Variants in EML5 observed in about 807,000 individuals in gnomAD.
EML5 encodes EMAP like 5, also known as echinoderm microtubule-associated protein-like 5.
EML5 carries 120 observed loss-of-function variants against 250.0 expected under a neutral mutation model. The ratio of observed to expected loss-of-function variants is 0.48; its 90% CI spans 0.41 to 0.56. EML5 has a LOEUF of 0.56. Among genes scored for constraint, EML5 ranks in the 20% least tolerant of loss-of-function variants. EML5 has a pLI of 0.00. For missense variants in EML5, 2,006 were observed against 2,437.6 expected, an observed-to-expected ratio of 0.82 and a Z score of 3.73; for synonymous variants, 771 against 806.5, an observed-to-expected ratio of 0.96 and a Z score of 0.75.
At chr14:88,631,265 G>A (rs982829595) in intron 33 of EML5, among the ~76,000 whole-genome samples, 1 of 152,190 alleles carries the variant, frequency 6.6e-6, no homozygotes, top group Non-Finnish European at 1.5e-5. Context: ...CCAGGCTGGA[G>A]TGCCATGATG....
chr14:88,648,142 A>G (rs1192277773), intron 28 of EML5, among the ~76,000 whole-genome samples: 2 of 152,206 alleles, frequency 1.3e-5, no homozygotes, highest in Non-Finnish European at 2.9e-5. Flanking sequence ...AGGAATCATG[A>G]AAGTCATTTC....
intron 1 of EML5, among the ~76,000 whole-genome samples, chr14:88,776,687 C>T (rs574860230): frequency 1.3e-4 from 20 of 150,578 alleles, no homozygotes; most frequent in Non-Finnish European, 1.6e-4. Context: ...TCAAGACCAA[C>T]GTGCGTAACA....
intron 4 of EML5, among the ~76,000 whole-genome samples, chr14:88,743,511 T>C (rs2093956925): frequency 6.6e-6 from 1 of 152,108 alleles, no homozygotes; most frequent in Non-Finnish European, 1.5e-5. Flanking sequence ...CACTTGAATA[T>C]ACACTGCCGC....
At chr14:88,670,966 C>G (rs908834530) in intron 21 of EML5, among the ~76,000 whole-genome samples, 1 of 151,948 alleles carries the variant, frequency 6.6e-6, no homozygotes, top group African/African-American at 2.4e-5. Flanking sequence ...CTGAACAGAA[C>G]AAAGTTGTAA....
chr14:88,685,159 A>G lies in EML5; in HGVS notation c.2855-17T>C, dbSNP rs1344513498. 2 of 1,590,104 alleles carry G rather than the reference A, an allele frequency of 1.3e-6. No homozygotes were observed. Among genetic ancestry groups the G allele is most frequent in the Non-Finnish European group, 1.7e-6 (2 of 1,168,886 alleles). ...AGAGAAGACCTGAAATGTTAAATGAAGATGTTCTTTTAGACATACAGTTAC... is the reference window on the plus strand; with the variant it reads ...AGAGAAGACCTGAAATGTTAAATGAGGATGTTCTTTTAGACATACAGTTAC... On this transcript the variant is annotated splice_polypyrimidine_tract_variant and intron_variant, in intron 19 of 43. Transcript: ENST00000554922.
intron 9 of EML5, among the ~76,000 whole-genome samples, chr14:88,713,624 T>C (rs993083065): frequency 1.9e-4 from 29 of 151,124 alleles, no homozygotes; most frequent in Non-Finnish European, 3.7e-4. Flanking sequence ...TGCTCATTTT[T>C]TTTTTTTTTT....
intron 7 of EML5, among the ~76,000 whole-genome samples, chr14:88,727,072 C>G (rs929480329): frequency 9.2e-5 from 14 of 151,598 alleles, no homozygotes; most frequent in Non-Finnish European, 2.1e-4. Flanking sequence ...GTTTTGGTAT[C>G]CTTTTAGCAC....
chr14:88,676,188 C>T (rs1047838923), intron 21 of EML5, among the ~76,000 whole-genome samples: 2 of 152,190 alleles, frequency 1.3e-5, no homozygotes, highest in African/African-American at 4.8e-5. Context: ...ACTGGTACCA[C>T]TTTACTGTAT....
chr14:88,685,572 T>C (rs1172806222), intron 19 of EML5, among the ~76,000 whole-genome samples: 3 of 152,188 alleles, frequency 2.0e-5, no homozygotes, highest in Non-Finnish European at 4.4e-5. Flanking sequence ...GTCCCTCATA[T>C]AAAATGGTGT....
At chr14:88,712,045 G>T (rs1210224567) in intron 10 of EML5, among the ~76,000 whole-genome samples, 1 of 151,904 alleles carries the variant, frequency 6.6e-6, no homozygotes, top group Non-Finnish European at 1.5e-5. Flanking sequence ...GAGATATAGT[G>T]CATTCATAAC....
intron 39 of EML5, chr14:88,619,296 CACA>C (rs2088392484): frequency 6.6e-6 from 1 of 152,626 alleles, no homozygotes. Flanking sequence ...ACCCAGGAGG[CACA>C]GGTTGTGGTG....
intron 10 of EML5, among the ~76,000 whole-genome samples, chr14:88,710,367 A>G (rs1016310535): frequency 6.6e-6 from 1 of 152,196 alleles, no homozygotes; most frequent in African/African-American, 2.4e-5. Flanking sequence ...TAAAGTCCAC[A>G]TTTTGTAAAT....
chr14:88,631,320 C>A (rs542023258), intron 33 of EML5, among the ~76,000 whole-genome samples: 1 of 152,324 alleles, frequency 6.6e-6, no homozygotes, highest in East Asian at 1.9e-4. Context: ...CTCAATTAAT[C>A]TACCTACCTC....
At chr14:88,745,419 T>A (rs1335859808) in intron 3 of EML5, among the ~76,000 whole-genome samples, 4 of 152,114 alleles carry the variant, frequency 2.6e-5, no homozygotes, top group Non-Finnish European at 2.9e-5. Context: ...TCCATAAAAA[T>A]AGTATAATAT....
chr14:88,620,640 G>T lies in EML5; in HGVS notation c.5375+114C>A. 1.3e-6 allele frequency: 1 copy of T among 789,928 alleles called. No homozygotes were observed. Among genetic ancestry groups the T allele is most frequent in the Non-Finnish European group, 1.8e-6 (1 of 546,166 alleles). The allele number at this position is 789,928 out of a possible 1,614,324, so 48.9% of individuals were successfully genotyped here. A position where few individuals can be genotyped will look rare whatever the true frequency, so the allele number is the denominator to read the frequency against. On this transcript the variant is annotated intron_variant, in intron 39 of 43. Coordinates refer to ENST00000554922, the MANE Select transcript of EML5 (RefSeq NM_183387.3). This position sits in a 1 kb window ranked among gnomAD's most constrained non-coding sequence, Gnocchi z 4.3. ...TATTTTAGCATACAATTTATAATAC[G>T]GGAAATGCTACAGGCCCTGGGGACC...
At chr14:88,666,386 C>A (rs558575420) in intron 21 of EML5, among the ~76,000 whole-genome samples, 1 of 152,124 alleles carries the variant, frequency 6.6e-6, no homozygotes, top group African/African-American at 2.4e-5. Context: ...GCCACCAGGC[C>A]TGGCTACTTT....
chr14:88,688,550 C>T, intron 17 of EML5, 77 bp from the exon 18 acceptor site: 1 of 1,454,820 alleles, frequency 6.9e-7, no homozygotes, highest in Admixed American at 1.8e-5. Flanking sequence ...TTCTTTTCTA[C>T]TGTTGTTGTT....
In EML5 at chr14:88,700,530, G is replaced by T. The variant is rs531598808; in HGVS notation, c.2238+1916C>A. 2.0e-5 allele frequency among the ~76,000 whole-genome samples: 3 copies of T among 152,114 alleles called. No individual in the cohort carries two copies. In the South Asian group the frequency reaches 6.2e-4, roughly 32 times the overall value. ...TTTCCAATCAAGGAATTCTTCCAAC[G>T]ACTTAACTTTATCTAGTCTCAGGGA... On this transcript the variant is annotated intron_variant, in intron 14 of 43. Transcript: ENST00000554922.
chr14:88,632,033 A>G (rs2090467199), intron 33 of EML5, among the ~76,000 whole-genome samples: 1 of 152,200 alleles, frequency 6.6e-6, no homozygotes, highest in Non-Finnish European at 1.5e-5. Flanking sequence ...TATTTGTACA[A>G]GAAAGAATGT....
Sources: allele counts gnomAD v4.1 joint callset (sites outside exome capture counted in the v4.1 genomes callset), GRCh38; gene constraint gnomAD v4.1.1; non-coding constraint Gnocchi (gnomAD v3.1); transcripts MANE v1.5; gene names NCBI Gene and HGNC (gene_info 2026-07-23, HGNC 2026-07-21).